TRIO: variants seen among roughly 807,000 people sequenced by gnomAD.
The protein encoded by TRIO is trio Rho guanine nucleotide exchange factor.
Under a neutral mutation model 351.9 loss-of-function variants are expected in TRIO, and 58 were observed. That is an observed-to-expected ratio of 0.16 (90% confidence interval 0.13 to 0.21). The LOEUF (loss-of-function observed/expected upper bound fraction) is 0.21, where lower values mean the gene tolerates loss of function less well. Ranked by LOEUF, TRIO falls within the 10% of genes least tolerant of loss-of-function variation. The pLI is 1.00. For missense variants in TRIO, 3,201 were observed against 4,027.8 expected (o/e 0.79, Z 5.56); for synonymous variants, 1,758 against 1,595.7 (o/e 1.10, Z -2.42).
At chr5:14,204,879 AT>A (rs1336071633) in intron 1 of TRIO, among the ~76,000 whole-genome samples, 3 of 152,164 alleles carry the variant, frequency 2.0e-5, no homozygotes. Flanking sequence ...GTGATTTAAT[AT>A]TTGTAAAGAG....
intron 1 of TRIO, among the ~76,000 whole-genome samples, chr5:14,252,179 T>C (rs778115344): frequency 1.3e-5 from 2 of 152,244 alleles, no homozygotes; most frequent in Non-Finnish European, 2.9e-5. Context: ...TGTAAGACTC[T>C]TTGCAGAGAC....
At chr5:14,271,694 C>CA (rs1230483191) in intron 2 of TRIO, among the ~76,000 whole-genome samples, 1 of 152,244 alleles carries the variant, frequency 6.6e-6, no homozygotes, top group Non-Finnish European at 1.5e-5. Context: ...AGATTGTCGT[C>CA]ACATGCTTTT....
At chr5:14,229,523 A>G (rs1793272393) in intron 1 of TRIO, among the ~76,000 whole-genome samples, 1 of 152,240 alleles carries the variant, frequency 6.6e-6, no homozygotes, top group Non-Finnish European at 1.5e-5. Flanking sequence ...TAGGAGTTTA[A>G]TTTAGAGTTG....
intron 1 of TRIO, among the ~76,000 whole-genome samples, chr5:14,144,777 A>G (rs1456980686): frequency 5.9e-5 from 9 of 151,768 alleles, no homozygotes; most frequent in Non-Finnish European, 1.5e-5. Flanking sequence ...CCGGTACCCC[A>G]GCGGCGGCGC....
intron 21 of TRIO, among the ~76,000 whole-genome samples, chr5:14,382,158 A>G (rs572423101): frequency 4.6e-5 from 7 of 152,340 alleles, no homozygotes; most frequent in African/African-American, 1.4e-4. Context: ...ATAAATGATA[A>G]GTGGGATAAT....
At chr5:14,192,179 C>G (rs934994330) in intron 1 of TRIO, among the ~76,000 whole-genome samples, 2 of 152,130 alleles carry the variant, frequency 1.3e-5, no homozygotes, top group East Asian at 3.8e-4. Context: ...GAAGTGCCCC[C>G]AGCAACTTCT....
chr5:14,407,033 T>G (rs1748787641), intron 33 of TRIO, among the ~76,000 whole-genome samples: 2 of 152,094 alleles, frequency 1.3e-5, no homozygotes, highest in Non-Finnish European at 2.9e-5. Context: ...TGTTTTAATT[T>G]AGGATCTTTA....
intron 5 of TRIO, among the ~76,000 whole-genome samples, chr5:14,291,966 T>C (rs375788547): frequency 2.6e-5 from 4 of 152,324 alleles, no homozygotes; most frequent in East Asian, 1.9e-4. Flanking sequence ...TTTATTCTTA[T>C]GCACCAGGCA....
At chr5:14,362,816 T>C (rs1744269041) in intron 13 of TRIO, among the ~76,000 whole-genome samples, 1 of 152,148 alleles carries the variant, frequency 6.6e-6, no homozygotes, top group Non-Finnish European at 1.5e-5. Context: ...AGCCTTTTTC[T>C]CACGACAGTT....
intron 1 of TRIO, among the ~76,000 whole-genome samples, chr5:14,262,322 C>T (rs1258310794): frequency 3.0e-5 from 4 of 132,998 alleles, no homozygotes; most frequent in South Asian, 2.6e-4. Flanking sequence ...GTGTTGGGGG[C>T]GGGGAGGGGA....
intron 1 of TRIO, chr5:14,183,775 A>C (rs542508749): frequency 3.6e-6 from 2 of 560,656 alleles, no homozygotes; most frequent in East Asian, 3.2e-5. Flanking sequence ...CAGTTACAGC[A>C]TGCTGGCTGC....
At chr5:14,209,373 T>C (rs180969217) in intron 1 of TRIO, among the ~76,000 whole-genome samples, 161 of 152,340 alleles carry the variant, frequency 1.1e-3, no homozygotes, top group Non-Finnish European at 1.1e-3. Flanking sequence ...AAAGAATGGG[T>C]GATGCCACCC....
At chr5:14,387,941 C>A (rs1746689141) in intron 23 of TRIO, 94 bp downstream of exon 23, 4 of 1,339,224 alleles carry the variant, frequency 3.0e-6, no homozygotes, top group African/African-American at 2.9e-5. Context: ...TTTGAAGTCA[C>A]ATGGCACCCA....
chr5:14,344,362 C>A (rs895251361), intron 11 of TRIO, among the ~76,000 whole-genome samples: 9 of 152,170 alleles, frequency 5.9e-5, no homozygotes, highest in Non-Finnish European at 8.8e-5. Flanking sequence ...AAAAATACAT[C>A]TAGTCAATTA....
At position 14,233,316 on chromosome 5, in the gene TRIO, TAAAAAA is replaced by T. The variant is rs35925373; in HGVS notation, c.158-37490_158-37485del. Reference sequence around the variant, plus strand: ...GGCAACATGGCGAGACCTCGTCTCTTAAAAAAAAAAAAAAAAAAAAAAAATTAGCCC... The same window carrying T: ...GGCAACATGGCGAGACCTCGTCTCTTAAAAAAAAAAAAAAAAAATTAGCCC... On this transcript the variant is annotated intron_variant, in intron 1 of 56. Coordinates refer to ENST00000344204, the MANE Select transcript of TRIO (RefSeq NM_007118.4). Among the ~76,000 whole-genome samples, 144 of 109,212 alleles carry T rather than the reference TAAAAAA, an allele frequency of 1.3e-3. 1 individual carries two copies. Among genetic ancestry groups the T allele is most frequent in the African/African-American group, 5.2e-3 (139 of 26,898 alleles). 71.6% of individuals were successfully genotyped at this position (109,212 alleles called of 152,430 possible).
chr5:14,284,679 T>C (rs1378862814), intron 3 of TRIO, among the ~76,000 whole-genome samples: 1 of 152,230 alleles, frequency 6.6e-6, no homozygotes, highest in Non-Finnish European at 1.5e-5. Flanking sequence ...GTGTGCATAC[T>C]GTGTAAGGCC....
At chr5:14,447,869 AG>A (rs1752554781) in intron 34 of TRIO, among the ~76,000 whole-genome samples, 1 of 152,200 alleles carries the variant, frequency 6.6e-6, no homozygotes, top group African/African-American at 2.4e-5. Flanking sequence ...CACCTCTGGA[AG>A]GCAGACTCAG....
chr5:14,438,469 G>A (rs747473939), intron 34 of TRIO, among the ~76,000 whole-genome samples: 16 of 152,088 alleles, frequency 1.1e-4, no homozygotes, highest in Non-Finnish European at 2.1e-4. Context: ...TCACATTGTC[G>A]CTTCTGTAAT....
At chr5:14,434,774 A>G (rs1751453611) in intron 34 of TRIO, among the ~76,000 whole-genome samples, 2 of 152,258 alleles carry the variant, frequency 1.3e-5, no homozygotes, top group South Asian at 4.1e-4. Context: ...TTGCCATTTC[A>G]GTGGCAAAAG....
Sources: allele counts gnomAD v4.1 joint callset (sites outside exome capture counted in the v4.1 genomes callset), GRCh38; gene constraint gnomAD v4.1.1; transcripts MANE v1.5; gene names NCBI Gene and HGNC (gene_info 2026-07-23, HGNC 2026-07-21).